CTNNA2: variants seen among roughly 807,000 people sequenced by gnomAD.
The protein encoded by CTNNA2 is catenin alpha 2.
In CTNNA2, 42 loss-of-function variants were observed where a neutral mutation model predicts 101.0. The ratio of observed to expected loss-of-function variants is 0.42; its 90% CI spans 0.32 to 0.54. The LOEUF (loss-of-function observed/expected upper bound fraction) is 0.54. Among genes scored for constraint, CTNNA2 ranks in the 20% least tolerant of loss-of-function variants. The pLI, the probability that CTNNA2 is intolerant of heterozygous loss-of-function variation, is 0.14. For synonymous variants in CTNNA2, 450 were observed against 456.4 expected (o/e 0.99, Z 0.18); for missense variants, 871 against 1,223.1 (o/e 0.71, Z 4.29).
chr2:80,616,027 T>C (rs1698824236), intron 17 of CTNNA2, among the ~76,000 whole-genome samples: 2 of 151,764 alleles, frequency 1.3e-5, no homozygotes. Flanking sequence ...TCATCAATAC[T>C]GTATCTTGTT....
intron 7 of CTNNA2, among the ~76,000 whole-genome samples, chr2:79,940,412 T>C (rs907811026): frequency 6.6e-6 from 1 of 152,230 alleles, no homozygotes; most frequent in Non-Finnish European, 1.5e-5. Flanking sequence ...AAATACCGAT[T>C]TGATCTTTGG....
At chr2:79,270,911 C>T (rs1675066643) in intron 2 of CTNNA2, among the ~76,000 whole-genome samples, 1 of 151,938 alleles carries the variant, frequency 6.6e-6, no homozygotes, top group South Asian at 2.1e-4. Flanking sequence ...ACATCTTTCT[C>T]TGCAGGAGTA....
chr2:80,128,907 G>T (rs1702269815), intron 7 of CTNNA2, among the ~76,000 whole-genome samples: 1 of 152,112 alleles, frequency 6.6e-6, no homozygotes, highest in Non-Finnish European at 1.5e-5. Flanking sequence ...CTTTGCTCCT[G>T]GATATTGCCT....
At chr2:80,322,197 T>TTTATAAAAAAA (rs1678764889) in intron 7 of CTNNA2, among the ~76,000 whole-genome samples, 5 of 152,328 alleles carry the variant, frequency 3.3e-5, no homozygotes, top group Non-Finnish European at 5.9e-5. Flanking sequence ...TCTAGTCTAC[T>TTTATAAAAAAA]ACCAGGCTTT....
chr2:80,251,100 A>G (rs1399771097), intron 7 of CTNNA2, among the ~76,000 whole-genome samples: 5 of 152,076 alleles, frequency 3.3e-5, no homozygotes, highest in Non-Finnish European at 4.4e-5. Flanking sequence ...TACCCTTTTA[A>G]TATCTCCTCA....
chr2:79,280,992 A>C (rs192269980), intron 2 of CTNNA2, among the ~76,000 whole-genome samples: 34 of 152,184 alleles, frequency 2.2e-4, no homozygotes, highest in African/African-American at 7.5e-4. Flanking sequence ...TATTCAGCAT[A>C]ACTTTTCCTG....
At chr2:80,260,742 C>T (rs183923212) in intron 7 of CTNNA2, among the ~76,000 whole-genome samples, 88 of 152,248 alleles carry the variant, frequency 5.8e-4, no homozygotes, top group East Asian at 9.6e-4. Flanking sequence ...AGCCAACCCA[C>T]GTCACATGTT....
At chr2:80,421,340 G>A (rs1680510743) in intron 9 of CTNNA2, among the ~76,000 whole-genome samples, 1 of 152,132 alleles carries the variant, frequency 6.6e-6, no homozygotes, top group Non-Finnish European at 1.5e-5. Flanking sequence ...AATGGGACAT[G>A]GATTTCAAGT....
In CTNNA2 at chr2:79,439,543, C is replaced by T. The variant is rs908976909; in HGVS notation, c.-134-65511C>T. Among the ~76,000 whole-genome samples the T allele has an allele frequency of 5.3e-5, 8 of 152,180 alleles. No individual in the cohort carries two copies. In the East Asian group the frequency reaches 1.2e-3, roughly 22 times the overall value. On this transcript the variant is annotated intron_variant, in intron 4 of 21. Coordinates refer to the CTNNA2 transcript ENST00000466387. ...ATATACTAAAAACCAATGAATCGTA[C>T]GCTTTGAATGGGTAGCTTGTTTGAC...
chr2:79,471,529 A>C (rs1308954410), intron 4 of CTNNA2, among the ~76,000 whole-genome samples: 1 of 152,102 alleles, frequency 6.6e-6, no homozygotes, highest in Non-Finnish European at 1.5e-5. Context: ...TAATACCATC[A>C]CATCGGAGGT....
intron 7 of CTNNA2, among the ~76,000 whole-genome samples, chr2:80,208,957 C>T (rs1465333748): frequency 6.6e-6 from 1 of 152,064 alleles, no homozygotes; most frequent in African/African-American, 2.4e-5. Context: ...GTGTGAATTC[C>T]TGATTAAGGC....
At chr2:79,952,009 C>T (rs1672054469) in intron 7 of CTNNA2, among the ~76,000 whole-genome samples, 1 of 152,202 alleles carries the variant, frequency 6.6e-6, no homozygotes, top group African/African-American at 2.4e-5. Context: ...TTGCTCACAG[C>T]TGTGCCTTCT....
intron 7 of CTNNA2, among the ~76,000 whole-genome samples, chr2:80,141,823 A>C (rs1039062356): frequency 6.6e-6 from 1 of 151,340 alleles, no homozygotes; most frequent in African/African-American, 2.4e-5. Context: ...GAATCATGGG[A>C]TGTTTGGTTC....
chr2:79,545,138 T>A (rs2104012320), intron 1 of CTNNA2, among the ~76,000 whole-genome samples: 1 of 152,308 alleles, frequency 6.6e-6, no homozygotes, highest in African/African-American at 2.4e-5. Context: ...ACTTTTTTAG[T>A]AATACAACTC....
At chr2:79,370,660 G>A (rs1165644377) in intron 3 of CTNNA2, among the ~76,000 whole-genome samples, 1 of 151,632 alleles carries the variant, frequency 6.6e-6, no homozygotes, top group Non-Finnish European at 1.5e-5. Context: ...AGAACCCACT[G>A]AGAATATAAT....
At chr2:79,732,472 T>C (rs1687264224) in intron 2 of CTNNA2, among the ~76,000 whole-genome samples, 1 of 152,022 alleles carries the variant, frequency 6.6e-6, no homozygotes, top group South Asian at 2.1e-4. Context: ...ATTTTCATAA[T>C]AACATAAAAC....
At chr2:80,499,068 G>A (rs530180133) in intron 9 of CTNNA2, among the ~76,000 whole-genome samples, 3 of 152,294 alleles carry the variant, frequency 2.0e-5, no homozygotes, top group East Asian at 3.9e-4. Context: ...AATTTTTCAA[G>A]AGCGTTAGGA....
At chr2:79,414,642 A>T (rs1272127907) in intron 4 of CTNNA2, among the ~76,000 whole-genome samples, 2 of 152,094 alleles carry the variant, frequency 1.3e-5, no homozygotes. Context: ...ATTAAATATT[A>T]TGAAAATGAT....
intron 12 of CTNNA2, among the ~76,000 whole-genome samples, chr2:80,569,494 A>T (rs931299753): frequency 2.0e-5 from 3 of 152,122 alleles, no homozygotes; most frequent in Admixed American, 1.3e-4. Flanking sequence ...TTCCTATATC[A>T]AAAACTCTGT....
Sources: allele counts gnomAD v4.1 joint callset (sites outside exome capture counted in the v4.1 genomes callset), GRCh38; gene constraint gnomAD v4.1.1; transcripts MANE v1.5; gene names NCBI Gene and HGNC (gene_info 2026-07-23, HGNC 2026-07-21).